Variants in NDST4 observed in about 807,000 individuals in gnomAD.
NDST4 encodes N-heparan sulfate sulfotransferase 4.
A neutral mutation model predicts 100.8 loss-of-function variants in NDST4; 63 were observed. That is an observed-to-expected ratio of 0.62 (90% CI 0.51 to 0.77). NDST4 has a LOEUF of 0.77. NDST4 is among the 30% of genes least tolerant of loss of function. The pLI is 0.00. For synonymous variants in NDST4, 377 were observed against 361.8 expected (o/e 1.04, Z -0.48); for missense variants, 943 against 1,018.4 (o/e 0.93, Z 1.01).
chr4:115,091,348 G>T (rs1036193108), intron 1 of NDST4, among the ~76,000 whole-genome samples: 1 of 151,878 alleles, frequency 6.6e-6, no homozygotes, highest in African/African-American at 2.4e-5. Flanking sequence ...CTGCTCAAAG[G>T]ATTAATCATT....
intron 2 of NDST4, among the ~76,000 whole-genome samples, chr4:115,048,097 A>ATTTTTT (rs34190385): frequency 2.0e-5 from 3 of 146,906 alleles, no homozygotes; most frequent in African/African-American, 7.4e-5. Context: ...GAAGTTTATA[A>ATTTTTT]TTTTTTTTTT....
In NDST4 at chr4:115,062,501, A is replaced by G. The variant is rs559337301; in HGVS notation, c.978+13558T>C. On this transcript the variant is annotated intron_variant, in intron 2 of 13. Transcript: ENST00000264363. ...GATCATATTGATATATTTAACTACA[A>G]TAAAATTAAGTTGTTGTATGAATCA... is the stretch of plus-strand genomic sequence containing the variant. Among the ~76,000 whole-genome samples the G allele has an allele frequency of 1.1e-4, 16 of 152,032 alleles. No individual in the cohort carries two copies. The South Asian group carries it at 1.7e-3, about 16-fold the overall frequency.
chr4:114,909,669 CAA>C (rs773267929), intron 6 of NDST4, among the ~76,000 whole-genome samples: 26 of 61,662 alleles, frequency 4.2e-4, no homozygotes, highest in East Asian at 2.9e-3. Context: ...GACTCCGTCT[CAA>C]AAAAAAAAAA....
At chr4:115,035,939 T>C (rs1728223689) in intron 2 of NDST4, among the ~76,000 whole-genome samples, 1 of 151,978 alleles carries the variant, frequency 6.6e-6, no homozygotes, top group African/African-American at 2.4e-5. Flanking sequence ...TACAGAAAGA[T>C]AATGAGAGCA....
intron 1 of NDST4, among the ~76,000 whole-genome samples, chr4:115,089,335 AT>A (rs1024880591): frequency 1.3e-5 from 2 of 151,034 alleles, no homozygotes; most frequent in Admixed American, 6.6e-5. Context: ...ATATTATTTC[AT>A]TTTTTTCAAG....
intron 2 of NDST4, among the ~76,000 whole-genome samples, chr4:115,075,287 T>C (rs1397004138): frequency 2.0e-5 from 3 of 152,218 alleles, no homozygotes; most frequent in Non-Finnish European, 4.4e-5. Flanking sequence ...TTATGCTTGT[T>C]TGAGATTATA....
chr4:114,970,390 A>T (rs1382643242), intron 4 of NDST4, 40 bp downstream of exon 4: 6 of 1,573,180 alleles, frequency 3.8e-6, no homozygotes, highest in Non-Finnish European at 5.2e-6. Context: ...ACAAGATCAC[A>T]ACTTATAGTT....
chr4:115,039,650 C>T (rs1728307520), intron 2 of NDST4, among the ~76,000 whole-genome samples: 1 of 152,068 alleles, frequency 6.6e-6, no homozygotes, highest in African/African-American at 2.4e-5. Context: ...GCTAAATGTA[C>T]ACCATGTCCC....
At chr4:114,844,927 G>A (rs186784557) in intron 10 of NDST4, among the ~76,000 whole-genome samples, 4 of 152,250 alleles carry the variant, frequency 2.6e-5, no homozygotes, top group Non-Finnish European at 5.9e-5. Flanking sequence ...ATTGCCAAAT[G>A]AGTTTTCAGA....
intron 6 of NDST4, among the ~76,000 whole-genome samples, chr4:114,893,952 C>T (rs376373238): frequency 6.6e-5 from 10 of 152,236 alleles, no homozygotes; most frequent in South Asian, 2.1e-4. Context: ...CAGTTTTCTG[C>T]GTATGGCTAG....
chr4:114,932,759 A>T (rs1329245185), intron 6 of NDST4, among the ~76,000 whole-genome samples: 2 of 152,052 alleles, frequency 1.3e-5, no homozygotes, highest in African/African-American at 4.8e-5. Flanking sequence ...ATACTTAGGA[A>T]TAAATGTAAC....
At chr4:115,079,544 G>A (rs1263552370) in intron 1 of NDST4, among the ~76,000 whole-genome samples, 1 of 151,948 alleles carries the variant, frequency 6.6e-6, no homozygotes, top group Non-Finnish European at 1.5e-5. Context: ...TTCCCAGTTT[G>A]CCAAACTTTC....
chr4:115,068,202 T>C (rs990831917), intron 2 of NDST4, among the ~76,000 whole-genome samples: 1 of 152,062 alleles, frequency 6.6e-6, no homozygotes, highest in Non-Finnish European at 1.5e-5. Context: ...ATATATTACT[T>C]TTTCACTTTA....
At chr4:114,964,150 T>C (rs1394789289) in intron 4 of NDST4, among the ~76,000 whole-genome samples, 1 of 152,210 alleles carries the variant, frequency 6.6e-6, no homozygotes, top group Non-Finnish European at 1.5e-5. Flanking sequence ...GCTGCCATCC[T>C]GAATGACCCA....
chr4:115,091,809 T>G (rs185490675), intron 1 of NDST4, among the ~76,000 whole-genome samples: 1 of 152,146 alleles, frequency 6.6e-6, no homozygotes. Context: ...GATTTTATTT[T>G]TATTCATGTT....
At chr4:114,986,444 G>A (rs1288860636) in intron 2 of NDST4, among the ~76,000 whole-genome samples, 1 of 152,088 alleles carries the variant, frequency 6.6e-6, no homozygotes, top group Non-Finnish European at 1.5e-5. Context: ...CTGAAAGTGT[G>A]TAAGACGAGC....
At chr4:115,060,126 T>C (rs1728786844) in intron 2 of NDST4, among the ~76,000 whole-genome samples, 1 of 151,958 alleles carries the variant, frequency 6.6e-6, no homozygotes, top group Admixed American at 6.6e-5. Context: ...TACAAATCAT[T>C]CAAGGGGAAT....
intron 2 of NDST4, among the ~76,000 whole-genome samples, chr4:115,064,490 T>C (rs1441847334): frequency 1.3e-5 from 2 of 152,064 alleles, no homozygotes; most frequent in Non-Finnish European, 2.9e-5. Flanking sequence ...TTGAAATTCT[T>C]ATTCATCAAG....
At chr4:114,913,731 GA>G (rs56189208) in intron 6 of NDST4, among the ~76,000 whole-genome samples, 39,852 of 125,418 alleles carry the variant, frequency 0.32, 6,031 homozygotes, top group Non-Finnish European at 0.45. Flanking sequence ...CTATCTCCAA[GA>G]AAAAAAAAAA....
Sources: gnomAD v4.1 joint callset for allele counts (sites outside exome capture counted in the v4.1 genomes callset) on GRCh38, gnomAD v4.1.1 for gene constraint, MANE v1.5 for transcripts, NCBI Gene and HGNC (gene_info 2026-07-23, HGNC 2026-07-21) for gene names.